DNM3: variants seen among roughly 807,000 people sequenced by gnomAD.
DNM3 encodes dynamin-3.
Under a neutral mutation model 101.6 loss-of-function variants are expected in DNM3, and 47 were observed. The ratio of observed to expected loss-of-function variants is 0.46; its 90% CI spans 0.37 to 0.59. DNM3 has a LOEUF of 0.59. Ranked by LOEUF, DNM3 falls within the 20% of genes least tolerant of loss-of-function variation. The pLI is 0.00. For missense variants in DNM3, 849 were observed against 1,085.7 expected (o/e 0.78, Z 3.06); for synonymous variants, 385 against 387.9 (o/e 0.99, Z 0.09).
At chr1:172,186,524 C>A (rs537957307) in intron 14 of DNM3, among the ~76,000 whole-genome samples, 3 of 152,090 alleles carry the variant, frequency 2.0e-5, no homozygotes, top group South Asian at 2.1e-4. Flanking sequence ...GCTGTCCCCC[C>A]CTTTTGAAGA....
At chr1:172,304,656 A>G (rs1244524031) in intron 15 of DNM3, among the ~76,000 whole-genome samples, 2 of 152,208 alleles carry the variant, frequency 1.3e-5, no homozygotes, top group Non-Finnish European at 2.9e-5. Flanking sequence ...CAGCAAATGT[A>G]AAAGAACAGA....
chr1:172,252,456 T>C (rs918966481), intron 14 of DNM3, among the ~76,000 whole-genome samples: 31 of 152,152 alleles, frequency 2.0e-4, no homozygotes, highest in African/African-American at 6.5e-4. Flanking sequence ...AACAAAAGGA[T>C]TTATGTCAGA....
intron 11 of DNM3, among the ~76,000 whole-genome samples, chr1:172,076,177 C>G (rs1212477798): frequency 6.6e-6 from 1 of 152,170 alleles, no homozygotes; most frequent in Admixed American, 6.5e-5. Flanking sequence ...TATCCTGAGA[C>G]TTTGCTGAAG....
In DNM3 at chr1:172,408,021, T is replaced by C. The variant is rs1164290985; in HGVS notation, c.*180T>C. 6.9e-7 allele frequency: 1 copy of C among 1,446,554 alleles called. No homozygotes were observed. The highest frequency in any genetic ancestry group is 9.1e-7 in the Non-Finnish European group (1 of 1,100,510). The allele number at this position is 1,446,554 out of a possible 1,614,324, so 89.6% of individuals were successfully genotyped here. ...CATGGTATGTCAAACCTTTGGGGTTTGACTCAGAAACTGCTAACCTTTTAG... is the reference window on the plus strand; with the variant it reads ...CATGGTATGTCAAACCTTTGGGGTTCGACTCAGAAACTGCTAACCTTTTAG... On this transcript the variant is annotated 3_prime_UTR_variant, in exon 21 of 21. Transcript: ENST00000627582.
chr1:171,936,753 A>G (rs1443212344), intron 2 of DNM3, among the ~76,000 whole-genome samples: 1 of 152,208 alleles, frequency 6.6e-6, no homozygotes. Flanking sequence ...GATAATTATC[A>G]GTATTGAGTA....
In DNM3 at chr1:172,213,517, C is replaced by CAAAAAA. The variant is rs57339395; in HGVS notation, c.1660-40040_1660-40035dup. The stretch of plus-strand genomic sequence containing the variant: ...CAGAACAATTAAGAATCCATTGTTA[C>CAAAAAA]AAAAAAAAAAAAAAAAAAAAAGCCT... On this transcript the variant is annotated intron_variant, in intron 14 of 20. Transcript: ENST00000627582. Among the ~76,000 whole-genome samples, 30 of 79,362 alleles carry CAAAAAA rather than the reference C, an allele frequency of 3.8e-4. 3 individuals are homozygous for CAAAAAA. Among genetic ancestry groups the CAAAAAA allele is most frequent in the African/African-American group, 9.1e-4 (20 of 21,878 alleles). 52.1% of individuals were successfully genotyped at this position (79,362 alleles called of 152,430 possible).
At chr1:172,188,309 G>A (rs1488418386) in intron 14 of DNM3, among the ~76,000 whole-genome samples, 1 of 151,952 alleles carries the variant, frequency 6.6e-6, no homozygotes, top group Admixed American at 6.6e-5. Context: ...TTTTCCTTAG[G>A]CTCAGGTGGT....
At chr1:172,268,469 G>C (rs1159402818) in intron 15 of DNM3, among the ~76,000 whole-genome samples, 3 of 152,010 alleles carry the variant, frequency 2.0e-5, no homozygotes, top group Non-Finnish European at 4.4e-5. Flanking sequence ...TTTCCTTTAA[G>C]AGTGTCCCTC....
chr1:172,013,764 G>C (rs1403531656), intron 4 of DNM3, among the ~76,000 whole-genome samples: 1 of 152,056 alleles, frequency 6.6e-6, no homozygotes, highest in East Asian at 1.9e-4. Context: ...GGGGGCATGT[G>C]AAGAAGTAAA....
At chr1:172,280,904 A>G (rs939553335) in intron 15 of DNM3, among the ~76,000 whole-genome samples, 2 of 152,158 alleles carry the variant, frequency 1.3e-5, no homozygotes, top group African/African-American at 4.8e-5. Flanking sequence ...AATATTGTAA[A>G]TGGGTGAAAG....
intron 1 of DNM3, among the ~76,000 whole-genome samples, chr1:171,858,475 C>A (rs74880576): frequency 0.014 from 2,187 of 152,196 alleles, 60 homozygotes; most frequent in African/African-American, 0.048. Flanking sequence ...AATGCAGGAA[C>A]CAAATGGATT....
At chr1:172,113,455 T>C (rs1348004918) in intron 13 of DNM3, among the ~76,000 whole-genome samples, 1 of 151,808 alleles carries the variant, frequency 6.6e-6, no homozygotes, top group African/African-American at 2.4e-5. Flanking sequence ...CCATCTCTAC[T>C]AGAAATACAA....
intron 14 of DNM3, among the ~76,000 whole-genome samples, chr1:172,178,591 GC>G (rs2059236218): frequency 1.3e-5 from 2 of 151,778 alleles, no homozygotes; most frequent in East Asian, 3.9e-4. Flanking sequence ...GATAGTGCAT[GC>G]CGTGATGATG....
intron 10 of DNM3, among the ~76,000 whole-genome samples, chr1:172,063,498 G>A (rs1448841540): frequency 1.3e-5 from 2 of 151,730 alleles, no homozygotes; most frequent in Admixed American, 6.6e-5. Flanking sequence ...AACATGTTTT[G>A]CTGCTTTCTC....
Position 172,408,488 on chromosome 1 carries a change from A to G in DNM3, c.*647A>G. The G allele has an allele frequency of 1.0e-6, 1 of 985,378 alleles. No homozygotes were observed. The highest frequency in any genetic ancestry group is 1.2e-6 in the Non-Finnish European group (1 of 829,866). The allele number at this position is 985,378 out of a possible 1,614,324, so 61.0% of individuals were successfully genotyped here. ...ATTCCAATGTGTTTTGCTTCATGCTAGAAGCATATGCAACAGTGAATAAAA... is the reference window on the plus strand; with the variant it reads ...ATTCCAATGTGTTTTGCTTCATGCTGGAAGCATATGCAACAGTGAATAAAA... On this transcript the variant is annotated 3_prime_UTR_variant, in exon 21 of 21. Coordinates refer to ENST00000627582, the MANE Select transcript of DNM3 (RefSeq NM_015569.5).
chr1:171,872,291 A>G (rs1558192626), intron 1 of DNM3, among the ~76,000 whole-genome samples: 1 of 152,178 alleles, frequency 6.6e-6, no homozygotes, highest in African/African-American at 2.4e-5. Context: ...GTATATTTTG[A>G]GATGAAAAAG....
At chr1:172,017,364 C>T (rs1427016211) in intron 4 of DNM3, among the ~76,000 whole-genome samples, 1 of 151,986 alleles carries the variant, frequency 6.6e-6, no homozygotes, top group Non-Finnish European at 1.5e-5. Flanking sequence ...CTAAGCAATG[C>T]TTTTGTTGCA....
At chr1:172,342,135 A>C (rs946361203) in intron 17 of DNM3, among the ~76,000 whole-genome samples, 3 of 152,232 alleles carry the variant, frequency 2.0e-5, no homozygotes, top group African/African-American at 7.2e-5. Context: ...TGCAGAGAAA[A>C]GGGAATGTTC....
intron 14 of DNM3, among the ~76,000 whole-genome samples, chr1:172,174,564 A>G (rs2059084974): frequency 6.6e-6 from 1 of 151,826 alleles, no homozygotes; most frequent in Non-Finnish European, 1.5e-5. Flanking sequence ...GACATTTTTT[A>G]ACAAATGTCT....
Sources: gnomAD v4.1 joint callset for allele counts (sites outside exome capture counted in the v4.1 genomes callset) on GRCh38, gnomAD v4.1.1 for gene constraint, MANE v1.5 for transcripts, NCBI Gene and HGNC (gene_info 2026-07-23, HGNC 2026-07-21) for gene names.